RAD1: variants seen among roughly 807,000 people sequenced by gnomAD.
RAD1 encodes RAD1 checkpoint DNA exonuclease.
A neutral mutation model predicts 30.0 loss-of-function variants in RAD1; 21 were observed. The observed-to-expected ratio is 0.70, with a 90% confidence interval of 0.50 to 1.01. RAD1 has a LOEUF of 1.01. RAD1 is among the 50% of genes least tolerant of loss of function. RAD1 has a pLI of 0.00. For missense variants in RAD1, 329 were observed against 329.0 expected (o/e 1.00, Z 0.00); for synonymous variants, 109 against 113.6 (o/e 0.96, Z 0.26).
chr5:34,906,945 C>G lies in RAD1; in HGVS notation c.*1820G>C, dbSNP rs1477795738. 2 of 152,138 alleles carry G rather than the reference C, an allele frequency of 1.3e-5. No individual in the cohort carries two copies. Among genetic ancestry groups the G allele is most frequent in the Non-Finnish European group, 2.9e-5 (2 of 68,030 alleles). 9.4% of individuals were successfully genotyped at this position (152,138 alleles called of 1,614,324 possible). A position where few individuals can be genotyped will look rare whatever the true frequency, so the allele number is the denominator to read the frequency against. On this transcript the variant is annotated 3_prime_UTR_variant, in exon 6 of 6. Coordinates refer to ENST00000382038, the MANE Select transcript of RAD1 (RefSeq NM_002853.4). ...ATCTAAACAAAAAATACTCTGACAACATTTAGTAAATTCATTTGTTTCCTT... is the reference window on the plus strand; with the variant it reads ...ATCTAAACAAAAAATACTCTGACAAGATTTAGTAAATTCATTTGTTTCCTT...
At chr5:34,912,714 C>A (rs37436) in intron 3 of RAD1, among the ~76,000 whole-genome samples, 4 of 151,916 alleles carry the variant, frequency 2.6e-5, no homozygotes, top group African/African-American at 9.7e-5. Flanking sequence ...GAAAATCATT[C>A]GGCAACCGGT....
chr5:34,914,801 A>C lies in RAD1; in HGVS notation c.92T>G (p.Leu31Trp). 1 of 1,614,234 alleles carries C rather than the reference A, an allele frequency of 6.2e-7. No individual in the cohort carries two copies. The highest frequency in any genetic ancestry group is 1.6e-4 in the Middle Eastern group (1 of 6,062). ...LDNVRNLSTI[L>W]KAIHFREHAT... The stretch of plus-strand genomic sequence containing the variant: ...ATGTTCTCGGAAATGAATAGCTTTC[A>C]AGATAGTGGAGAGATTCCTAACGTT... The change falls in exon 2 of 6, where the codon TTG (leucine) becomes TGG (tryptophan). Residue 31 changes from leucine (L) to tryptophan (W), a missense_variant. Leu to Trp is a moderately conservative substitution (Grantham distance 61). Transcript: ENST00000382038.
rs1368468041 is a variant in RAD1 at position 34,907,954 on chromosome 5, G to A, written c.*811C>T. The A allele has an allele frequency of 6.6e-6, 1 of 152,166 alleles. No individual in the cohort carries two copies. The highest frequency in any genetic ancestry group is 1.5e-5 in the Non-Finnish European group (1 of 68,034). The allele number at this position is 152,166 out of a possible 1,614,324, so 9.4% of individuals were successfully genotyped here. ...CATCAGAATCTCCTGAGGGAAGCTT[G>A]TTAAAATACAGAATGCTGGCCTCCT... On this transcript the variant is annotated 3_prime_UTR_variant, in exon 6 of 6. Transcript: ENST00000382038.
At position 34,908,689 on chromosome 5, in the gene RAD1, G is replaced by A; in HGVS notation, c.*76C>T. 7.7e-7 allele frequency: 1 copy of A among 1,303,654 alleles called. No homozygotes were observed. The highest frequency in any genetic ancestry group is 1.1e-6 in the Non-Finnish European group (1 of 948,780). The allele number at this position is 1,303,654 out of a possible 1,614,324, so 80.8% of individuals were successfully genotyped here. A position where few individuals can be genotyped will look rare whatever the true frequency, so the allele number is the denominator to read the frequency against. On this transcript the variant is annotated 3_prime_UTR_variant, in exon 6 of 6. Coordinates refer to ENST00000382038, the MANE Select transcript of RAD1 (RefSeq NM_002853.4). ...CTCTATAGAAAATCCAATATGAAAT[G>A]ACAAAGAGTACTGTACTCAGAATAA...
At position 34,908,691 on chromosome 5, in the gene RAD1, CAA is replaced by C. The variant is rs1160635017; in HGVS notation, c.*72_*73del. Reference sequence around the variant, plus strand: ...CTATAGAAAATCCAATATGAAATGACAAAGAGTACTGTACTCAGAATAAGAAC... The same window carrying C: ...CTATAGAAAATCCAATATGAAATGACAGAGTACTGTACTCAGAATAAGAAC... On this transcript the variant is annotated 3_prime_UTR_variant, in exon 6 of 6. Transcript: ENST00000382038. The C allele has an allele frequency of 2.6e-5, 34 of 1,319,688 alleles. No homozygotes were observed. Among genetic ancestry groups the C allele is most frequent in the Non-Finnish European group, 3.4e-5 (33 of 963,116 alleles). The allele number at this position is 1,319,688 out of a possible 1,614,324, so 81.7% of individuals were successfully genotyped here.
At position 34,913,590 on chromosome 5, in the gene RAD1, G is replaced by C. The variant is rs1763919956; in HGVS notation, c.199-12C>G. On this transcript the variant is annotated splice_polypyrimidine_tract_variant and intron_variant, in intron 2 of 5. Transcript: ENST00000382038. ...TGAAATATTCCAGCCTATGAAAAGAGTAAAAATGAAAATTGTTACATAAAA... is the reference window on the plus strand; with the variant it reads ...TGAAATATTCCAGCCTATGAAAAGACTAAAAATGAAAATTGTTACATAAAA... The C allele has an allele frequency of 2.0e-6, 3 of 1,500,130 alleles. No individual in the cohort carries two copies. The East Asian group carries it at 6.8e-5, about 34-fold the overall frequency. The allele number at this position is 1,500,130 out of a possible 1,614,324, so 92.9% of individuals were successfully genotyped here. A position where few individuals can be genotyped will look rare whatever the true frequency, so the allele number is the denominator to read the frequency against.
In RAD1 at chr5:34,914,720, CACTTT is replaced by C. The variant is rs765547486; in HGVS notation, c.168_172del (p.Lys57CysfsTer16). The C allele has an allele frequency of 4.9e-4, 789 of 1,614,226 alleles. No homozygotes were observed. Among genetic ancestry groups the C allele is most frequent in the Non-Finnish European group, 6.6e-4 (774 of 1,180,036 alleles). On this transcript the variant is annotated frameshift_variant, in exon 2 of 6. Coordinates refer to ENST00000382038, the MANE Select transcript of RAD1 (RefSeq NM_002853.4). LOFTEE classifies it high-confidence loss of function. ...CTGAATAAAAGCATTTGCTTGCACACACTTTGCATTTTCCACTGTTACTTTGATAC... is the reference window on the plus strand; with the variant it reads ...CTGAATAAAAGCATTTGCTTGCACACGCATTTTCCACTGTTACTTTGATAC...
intron 1 of RAD1, 62 bp from the exon 2 acceptor site, chr5:34,915,023 C>G (rs1036660396): frequency 3.4e-5 from 32 of 941,470 alleles, no homozygotes; most frequent in Non-Finnish European, 4.8e-5. Flanking sequence ...GCTCCACCTG[C>G]GCTGAGAGGT....
rs747167778 is a variant in RAD1, at chr5:34,908,949, CTG to C, written c.666-3_666-2del. ...GGGTTTCAGTAAGGAAATCTTGTATCTGTAGAAGAAAAAATAAAACGCTGTTA... is the reference window on the plus strand; with the variant it reads ...GGGTTTCAGTAAGGAAATCTTGTATCTAGAAGAAAAAATAAAACGCTGTTA... On this transcript the variant is annotated splice_acceptor_variant and splice_polypyrimidine_tract_variant and intron_variant, in intron 5 of 5. Transcript: ENST00000382038. LOFTEE classifies it high-confidence loss of function. 2 of 1,599,172 alleles carry C rather than the reference CTG, an allele frequency of 1.3e-6. No individual in the cohort carries two copies. Among genetic ancestry groups the C allele is most frequent in the East Asian group, 4.5e-5 (2 of 44,684 alleles).
At chr5:34,909,995 C>A (rs1763780939) in intron 4 of RAD1, among the ~76,000 whole-genome samples, 1 of 152,100 alleles carries the variant, frequency 6.6e-6, no homozygotes, top group Non-Finnish European at 1.5e-5. Flanking sequence ...TTCCTGGGGT[C>A]CATCTTTTCT....
Position 34,913,451 on chromosome 5 carries a change from T to C in RAD1, c.307+19A>G, listed in dbSNP as rs1182979392. 2 of 1,435,542 alleles carry C rather than the reference T, an allele frequency of 1.4e-6. No individual in the cohort carries two copies. Among genetic ancestry groups the C allele is most frequent in the Non-Finnish European group, 1.9e-6 (2 of 1,040,954 alleles). The allele number at this position is 1,435,542 out of a possible 1,614,324, so 88.9% of individuals were successfully genotyped here. On this transcript the variant is annotated intron_variant, in intron 3 of 5. Coordinates refer to ENST00000382038, the MANE Select transcript of RAD1 (RefSeq NM_002853.4). Reference sequence around the variant, plus strand: ...ACTATGTATAACACTTTTATGTCTTTATACTGATCATAGTTTACCTGGCAT... The same window carrying C: ...ACTATGTATAACACTTTTATGTCTTCATACTGATCATAGTTTACCTGGCAT...
chr5:34,913,406 C>T, intron 3 of RAD1, 64 bp downstream of exon 3: 1 of 920,230 alleles, frequency 1.1e-6, no homozygotes, highest in Non-Finnish European at 1.6e-6. Context: ...TTCCAAATAA[C>T]TTCCTGTATT....
rs1308364217 is a variant in RAD1, at chr5:34,908,491, C to T, written c.*274G>A. On this transcript the variant is annotated 3_prime_UTR_variant, in exon 6 of 6. Coordinates refer to ENST00000382038, the MANE Select transcript of RAD1 (RefSeq NM_002853.4). ...CCACCTTTAGACTCTTGAAATGTTA[C>T]GCTGACTCACAATTATTCCCATGAG... The T allele has an allele frequency of 1.0e-4, 26 of 249,342 alleles. No homozygotes were observed. The highest frequency in any genetic ancestry group is 1.6e-4 in the Admixed American group (3 of 18,928). The allele number at this position is 249,342 out of a possible 1,614,324, so 15.4% of individuals were successfully genotyped here. A position where few individuals can be genotyped will look rare whatever the true frequency, so the allele number is the denominator to read the frequency against.
intron 5 of RAD1, 40 bp downstream of exon 5, chr5:34,909,218 C>T: frequency 7.0e-7 from 1 of 1,418,540 alleles, no homozygotes; most frequent in Non-Finnish European, 9.8e-7. Context: ...ATTTAACCTC[C>T]TCTTTATCAC....
At chr5:34,912,640 A>T (rs41271695) in intron 3 of RAD1, among the ~76,000 whole-genome samples, 179 of 152,316 alleles carry the variant, frequency 1.2e-3, no homozygotes, top group African/African-American at 4.2e-3. Context: ...TTTTATACCC[A>T]CAGCAATTCA....
In RAD1 at chr5:34,914,914, C is replaced by A. The variant is rs1043868947; in HGVS notation, c.-22G>T. Reference sequence around the variant, plus strand: ...GCATCGTCCACTGCGCATTCGGCCCCGAGGGATGCTCCTGGGGCCAACAAC... The same window carrying A: ...GCATCGTCCACTGCGCATTCGGCCCAGAGGGATGCTCCTGGGGCCAACAAC... On this transcript the variant is annotated 5_prime_UTR_variant, in exon 2 of 6. Coordinates refer to ENST00000382038, the MANE Select transcript of RAD1 (RefSeq NM_002853.4). 1 of 1,613,198 alleles carries A rather than the reference C, an allele frequency of 6.2e-7. No homozygotes were observed. The highest frequency in any genetic ancestry group is 1.3e-5 in the African/African-American group (1 of 74,794).
intron 2 of RAD1, 154 bp from the exon 3 acceptor site, chr5:34,913,732 T>C: frequency 1.7e-6 from 1 of 593,038 alleles, no homozygotes; most frequent in Non-Finnish European, 3.0e-6. Context: ...CTTAGAGACA[T>C]CCTTTGAAGC....
At chr5:34,910,213 T>A (rs1763788118) in intron 4 of RAD1, among the ~76,000 whole-genome samples, 1 of 152,144 alleles carries the variant, frequency 6.6e-6, no homozygotes, top group African/African-American at 2.4e-5. Context: ...TTGTTTCCCA[T>A]CCTGGAGATG....
rs765732336 is a variant in RAD1, at chr5:34,914,847, T to C, written c.46A>G (p.Ser16Gly). ...ACGTTGTCAAGGCTGGCCACAAGGC[T>C]GTACTGATCATCCTCGTCTTGGATC... Reference protein sequence around the residue: ...QQIQDEDDQYSLVASLDNVRN... With the variant: ...QQIQDEDDQYGLVASLDNVRN... The change falls in exon 2 of 6, where the codon AGC becomes GGC. Residue 16 changes from serine (S) to glycine (G), a missense_variant. Transcript: ENST00000382038. The C allele has an allele frequency of 1.9e-6, 3 of 1,614,188 alleles. No individual in the cohort carries two copies. The highest frequency in any genetic ancestry group is 2.5e-6 in the Non-Finnish European group (3 of 1,180,040).
Sources: gnomAD v4.1 joint callset for allele counts (sites outside exome capture counted in the v4.1 genomes callset) on GRCh38, gnomAD v4.1.1 for gene constraint, MANE v1.5 for transcripts, NCBI Gene and HGNC (gene_info 2026-07-23, HGNC 2026-07-21) for gene names.